ZC3H3: variants seen among roughly 807,000 people sequenced by gnomAD.
ZC3H3 encodes zinc finger CCCH domain-containing protein 3.
ZC3H3 carries 36 observed loss-of-function variants against 77.3 expected under a neutral mutation model. That is an observed-to-expected ratio of 0.47 (90% CI 0.36 to 0.61). The LOEUF (loss-of-function observed/expected upper bound fraction) is 0.61. Ranked by LOEUF, ZC3H3 falls within the 20% of genes least tolerant of loss-of-function variation. The probability of loss-of-function intolerance (pLI) is 0.00; values close to 1 mark genes in which losing one functional copy is unlikely to be tolerated. For synonymous variants in ZC3H3, 626 were observed against 555.2 expected (o/e 1.13, Z -1.79); for missense variants, 1,331 against 1,312.2 (o/e 1.01, Z -0.22).
intron 3 of ZC3H3, among the ~76,000 whole-genome samples, chr8:143,508,597 A>T (rs1472384183): frequency 6.6e-6 from 1 of 152,200 alleles, no homozygotes; most frequent in Non-Finnish European, 1.5e-5. Context: ...CTAATTGCCC[A>T]GCTTGCATCA....
intron 9 of ZC3H3, among the ~76,000 whole-genome samples, chr8:143,449,687 G>A (rs570375432): frequency 6.6e-6 from 1 of 152,160 alleles, no homozygotes; most frequent in African/African-American, 2.4e-5. Flanking sequence ...GCAGTGAGCT[G>A]AGATTGCGCC....
At chr8:143,486,642 C>T (rs1288230698) in intron 4 of ZC3H3, among the ~76,000 whole-genome samples, 1 of 152,158 alleles carries the variant, frequency 6.6e-6, no homozygotes, top group Admixed American at 6.6e-5. Context: ...AAGTCAGACA[C>T]AGAATGGCAC....
At chr8:143,516,374 T>A (rs142212236) in intron 3 of ZC3H3, among the ~76,000 whole-genome samples, 125 of 152,216 alleles carry the variant, frequency 8.2e-4, no homozygotes, top group Non-Finnish European at 1.5e-3. Context: ...CTGGGCACCC[T>A]CGAACCCTCT....
intron 3 of ZC3H3, among the ~76,000 whole-genome samples, chr8:143,511,797 G>A (rs1326563839): frequency 2.0e-5 from 3 of 152,334 alleles, no homozygotes; most frequent in Non-Finnish European, 4.4e-5. Flanking sequence ...TGGTGCAGAC[G>A]GGCCCAGCGC....
chr8:143,506,262 C>T (rs900565554), intron 4 of ZC3H3, among the ~76,000 whole-genome samples: 2 of 152,266 alleles, frequency 1.3e-5, no homozygotes, highest in East Asian at 3.8e-4. Context: ...GAGCCGCACC[C>T]CTGGGAGAGG....
chr8:143,492,463 G>C (rs1337304985), intron 4 of ZC3H3, among the ~76,000 whole-genome samples: 4 of 152,146 alleles, frequency 2.6e-5, no homozygotes, highest in African/African-American at 7.2e-5. Flanking sequence ...CTGACCACAG[G>C]ACCATCCTGA....
chr8:143,510,730 G>A lies in ZC3H3; in HGVS notation c.1562-2831C>T, dbSNP rs576969311. On this transcript the variant is annotated intron_variant, in intron 3 of 11. Coordinates refer to ENST00000262577, the MANE Select transcript of ZC3H3 (RefSeq NM_015117.3). ...CCTCCCTGAGGACACAGGCCCAGGC[G>A]CCCATCCCTCCTGGCTGGCTGGGGT... 8.5e-5 allele frequency among the ~76,000 whole-genome samples: 13 copies of A among 152,272 alleles called. No homozygotes were observed. The East Asian group carries it at 1.9e-3, about 23-fold the overall frequency.
intron 4 of ZC3H3, among the ~76,000 whole-genome samples, chr8:143,487,692 C>T (rs1314577770): frequency 2.5e-5 from 1 of 39,848 alleles, no homozygotes; most frequent in African/African-American, 9.3e-5. Flanking sequence ...CACCACGAAG[C>T]TCACACACAG....
intron 4 of ZC3H3, among the ~76,000 whole-genome samples, chr8:143,491,828 T>G (rs1174856820): frequency 6.6e-6 from 1 of 152,150 alleles, no homozygotes; most frequent in Non-Finnish European, 1.5e-5. Flanking sequence ...CATGACTCCC[T>G]CAGTCCTGCA....
intron 4 of ZC3H3, among the ~76,000 whole-genome samples, chr8:143,491,612 G>A (rs554509834): frequency 1.3e-5 from 2 of 152,392 alleles, no homozygotes; most frequent in East Asian, 1.9e-4. Context: ...CCAGCCTGGA[G>A]CCATGCATTG....
intron 9 of ZC3H3, among the ~76,000 whole-genome samples, chr8:143,443,560 T>C (rs1189386379): frequency 6.6e-6 from 1 of 152,194 alleles, no homozygotes; most frequent in Middle Eastern, 3.2e-3. Context: ...TAAATGCTTA[T>C]ATCACAACAG....
chr8:143,453,159 C>A (rs1192715671), intron 9 of ZC3H3, among the ~76,000 whole-genome samples: 1 of 152,192 alleles, frequency 6.6e-6, no homozygotes, highest in Admixed American at 6.5e-5. Context: ...ATCACTGCAG[C>A]CTCGACCTCC....
chr8:143,490,137 G>C (rs1469482195), intron 4 of ZC3H3, among the ~76,000 whole-genome samples: 1 of 152,212 alleles, frequency 6.6e-6, no homozygotes, highest in Non-Finnish European at 1.5e-5. Context: ...GGGGGTGAAG[G>C]GGGCCATGAG....
intron 3 of ZC3H3, among the ~76,000 whole-genome samples, chr8:143,508,488 T>C (rs1821776693): frequency 6.6e-6 from 1 of 152,252 alleles, no homozygotes; most frequent in Admixed American, 6.5e-5. Context: ...ACGACGGCTT[T>C]TTTCTTGCTG....
At chr8:143,537,395 T>C (rs897471773) in intron 2 of ZC3H3, among the ~76,000 whole-genome samples, 1 of 152,130 alleles carries the variant, frequency 6.6e-6, no homozygotes, top group Non-Finnish European at 1.5e-5. Context: ...GGCTCCCGCC[T>C]ACCAGCAGCC....
chr8:143,505,813 G>T (rs988478639), intron 4 of ZC3H3, among the ~76,000 whole-genome samples: 1 of 152,214 alleles, frequency 6.6e-6, no homozygotes, highest in African/African-American at 2.4e-5. Flanking sequence ...CTGAATTCAG[G>T]CTTCTGGTGC....
intron 8 of ZC3H3, 32 bp downstream of exon 8, chr8:143,468,177 C>T (rs987850118): frequency 2.5e-6 from 4 of 1,598,462 alleles, no homozygotes; most frequent in Non-Finnish European, 8.5e-7. Flanking sequence ...GAGAAAGGTG[C>T]ACGGGAGCAG....
At chr8:143,525,584 T>G (rs933875612) in intron 3 of ZC3H3, among the ~76,000 whole-genome samples, 2 of 152,182 alleles carry the variant, frequency 1.3e-5, no homozygotes, top group African/African-American at 4.8e-5. Flanking sequence ...CATGTCGCCC[T>G]GCTCCCATGA....
At chr8:143,441,513 A>G (rs998284391) in intron 9 of ZC3H3, among the ~76,000 whole-genome samples, 3 of 151,968 alleles carry the variant, frequency 2.0e-5, no homozygotes, top group Non-Finnish European at 4.4e-5. Flanking sequence ...GTGGCTAGAG[A>G]CCTGGGGGTC....
Sources: gnomAD v4.1 joint callset for allele counts (sites outside exome capture counted in the v4.1 genomes callset) on GRCh38, gnomAD v4.1.1 for gene constraint, MANE v1.5 for transcripts, NCBI Gene and HGNC (gene_info 2026-07-23, HGNC 2026-07-21) for gene names.